Variants in CYP11A1 observed in about 807,000 individuals in gnomAD.
CYP11A1 encodes cholesterol side-chain cleavage enzyme, mitochondrial.
In CYP11A1, 25 loss-of-function variants were observed where a neutral mutation model predicts 51.9. The observed-to-expected ratio is 0.48, with a 90% CI of 0.35 to 0.67. The LOEUF (loss-of-function observed/expected upper bound fraction) is 0.67. Ranked by LOEUF, CYP11A1 falls within the 30% of genes least tolerant of loss-of-function variation. CYP11A1 has a pLI of 0.00. For missense variants in CYP11A1, 578 were observed against 680.9 expected, an observed-to-expected ratio of 0.85 and a Z score of 1.68; for synonymous variants, 245 against 262.1, an observed-to-expected ratio of 0.93 and a Z score of 0.63.
At position 74,358,429 on chromosome 15, in the gene CYP11A1, T is replaced by C. The variant is rs185563238; in HGVS notation, c.269+8888A>G. Among the ~76,000 whole-genome samples the C allele has an allele frequency of 2.8e-3, 427 of 152,272 alleles. 3 individuals carry two copies. The highest frequency in any genetic ancestry group is 9.8e-3 in the African/African-American group (408 of 41,554). On this transcript the variant is annotated intron_variant, in intron 1 of 8. Coordinates refer to ENST00000268053, the MANE Select transcript of CYP11A1 (RefSeq NM_000781.3). ...TCGTCATTTCATAACCTCTTCCATG[T>C]AGGTTACAAGCCACTAGCCCACCTC...
At chr15:74,348,765 C>A (rs900322223) in intron 1 of CYP11A1, among the ~76,000 whole-genome samples, 2 of 152,152 alleles carry the variant, frequency 1.3e-5, no homozygotes, top group Admixed American at 6.5e-5. Context: ...GAGACAGGGT[C>A]TCTGTTACCC....
intron 1 of CYP11A1, among the ~76,000 whole-genome samples, chr15:74,351,933 A>T (rs1468594865): frequency 6.6e-6 from 1 of 152,188 alleles, no homozygotes; most frequent in Non-Finnish European, 1.5e-5. Context: ...TCATTGGATT[A>T]TCTGTTGGGG....
intron 1 of CYP11A1, chr15:74,363,060 G>T (rs190839624): frequency 3.3e-5 from 5 of 152,222 alleles, no homozygotes; most frequent in Non-Finnish European, 7.3e-5. Context: ...GATTAGAAAT[G>T]TATCCCTCAT....
intron 1 of CYP11A1, chr15:74,365,800 G>A: frequency 2.0e-6 from 2 of 985,572 alleles, no homozygotes; most frequent in Non-Finnish European, 2.4e-6. Context: ...CAGAGGCGAG[G>A]AGTGGATGCT....
intron 2 of CYP11A1, 148 bp downstream of exon 2, chr15:74,347,752 G>T: frequency 1.4e-6 from 1 of 713,000 alleles, no homozygotes. Context: ...TTTGTTTTAG[G>T]GAGGCAGGAA....
At chr15:74,338,371 A>G (rs533368204) in intron 8 of CYP11A1, 200 bp downstream of exon 8, 13 of 719,668 alleles carry the variant, frequency 1.8e-5, no homozygotes, top group Non-Finnish European at 2.9e-5. Flanking sequence ...GGCCAGGGGC[A>G]TCAGTGGGTG....
intron 1 of CYP11A1, chr15:74,361,622 G>C: frequency 8.4e-7 from 1 of 1,187,360 alleles, no homozygotes; most frequent in Non-Finnish European, 1.2e-6. Flanking sequence ...CCTTTGAGCT[G>C]TTTGCAGACA....
rs1003119455 is a variant in CYP11A1 at position 74,366,785 on chromosome 15, G to C, written c.269+532C>G. The C allele has an allele frequency of 6.3e-5, 10 of 159,686 alleles. No individual in the cohort carries two copies. In the East Asian group the frequency reaches 1.3e-3, roughly 20 times the overall value. The allele number at this position is 159,686 out of a possible 1,614,324, so 9.9% of individuals were successfully genotyped here. ...GGCTGGATTGCAATGGTGCGATCTC[G>C]GCTCACTGCAACCTCTGCCTCTCCG... On this transcript the variant is annotated intron_variant, in intron 1 of 8. Transcript: ENST00000268053.
chr15:74,342,858 C>T (rs2060613358), intron 5 of CYP11A1, 119 bp downstream of exon 5: 3 of 1,048,606 alleles, frequency 2.9e-6, no homozygotes, highest in Admixed American at 1.8e-5. Flanking sequence ...AGGAGGAAGA[C>T]ATATCCTACA....
At chr15:74,363,666 C>T (rs2060719042) in intron 1 of CYP11A1, 2 of 152,218 alleles carry the variant, frequency 1.3e-5, no homozygotes, top group Admixed American at 1.3e-4. Context: ...CTTGCATGAG[C>T]CATCTCTAGA....
chr15:74,367,284 G>A (rs2060738461), intron 1 of CYP11A1, 33 bp downstream of exon 1: 2 of 1,613,692 alleles, frequency 1.2e-6, no homozygotes, highest in Non-Finnish European at 1.7e-6. Flanking sequence ...CCTCCTCCCT[G>A]TCCCTTCGGC....
intron 1 of CYP11A1, among the ~76,000 whole-genome samples, chr15:74,355,702 C>A (rs900425812): frequency 6.6e-6 from 1 of 152,212 alleles, no homozygotes; most frequent in South Asian, 2.1e-4. Context: ...AGCCCTCCCC[C>A]ATCTGCCCAG....
At chr15:74,340,490 T>A (rs1308004322) in intron 5 of CYP11A1, among the ~76,000 whole-genome samples, 1 of 152,136 alleles carries the variant, frequency 6.6e-6, no homozygotes, top group Non-Finnish European at 1.5e-5. Context: ...TGTTGACACA[T>A]TATCTTACCA....
At chr15:74,343,693 C>T (rs1315472422) in intron 4 of CYP11A1, 96 bp downstream of exon 4, 3 of 1,132,970 alleles carry the variant, frequency 2.6e-6, no homozygotes, top group Admixed American at 1.7e-5. Context: ...GGGTTTCCTA[C>T]AGGTCAAGTC....
At position 74,345,643 on chromosome 15, in the gene CYP11A1, A is replaced by G. The variant is rs557161940; in HGVS notation, c.426-400T>C. Among the ~76,000 whole-genome samples the G allele has an allele frequency of 6.6e-6, 1 of 151,878 alleles. No homozygotes were observed. The highest frequency in any genetic ancestry group is 1.5e-5 in the Non-Finnish European group (1 of 67,962). ...CTTTGACACTCCAGGGCCCCTCTAT[A>G]TAACATTTTCTGACTCTTGCACAAA... On this transcript the variant is annotated intron_variant, in intron 2 of 8. Transcript: ENST00000268053. The surrounding 1 kb of genome is among the most constrained non-coding windows in gnomAD (Gnocchi z 4.3).
chr15:74,355,593 G>A (rs990345792), intron 1 of CYP11A1, among the ~76,000 whole-genome samples: 1 of 152,016 alleles, frequency 6.6e-6, no homozygotes, highest in Non-Finnish European at 1.5e-5. Context: ...GGCTGAATCA[G>A]GCTCCAATTC....
At chr15:74,365,210 A>G (rs2060726703) in intron 1 of CYP11A1, among the ~76,000 whole-genome samples, 1 of 151,110 alleles carries the variant, frequency 6.6e-6, no homozygotes, top group African/African-American at 2.4e-5. Flanking sequence ...GACTCTTAGC[A>G]AAGAACCCAG....
rs1038415329 is a variant in CYP11A1 at position 74,362,164 on chromosome 15, T to C, written c.269+5153A>G. The stretch of plus-strand genomic sequence containing the variant: ...TCTTTGTGCTCTCGCTGCAGTTCCC[T>C]TCCATGCCTAGCTGGACTGCAGAGT... On this transcript the variant is annotated intron_variant, in intron 1 of 8. Transcript: ENST00000268053. The C allele has an allele frequency of 1.1e-5, 7 of 642,912 alleles. No homozygotes were observed. The African/African-American group carries it at 1.3e-4, about 12-fold the overall frequency. The allele number at this position is 642,912 out of a possible 1,614,324, so 39.8% of individuals were successfully genotyped here.
chr15:74,339,811 G>T, intron 5 of CYP11A1, 58 bp from the exon 6 acceptor site: 1 of 1,554,586 alleles, frequency 6.4e-7, no homozygotes. Flanking sequence ...GGGGCCCCTT[G>T]AGGTCCTTGA....
Sources: allele counts gnomAD v4.1 joint callset (sites outside exome capture counted in the v4.1 genomes callset), GRCh38; gene constraint gnomAD v4.1.1; non-coding constraint Gnocchi (gnomAD v3.1); transcripts MANE v1.5; gene names NCBI Gene and HGNC (gene_info 2026-07-23, HGNC 2026-07-21).